PSMD1: variants seen among roughly 807,000 people sequenced by gnomAD.
PSMD1 encodes the protein proteasome 26S subunit, non-ATPase 1.
In PSMD1, 18 loss-of-function variants were observed where a neutral mutation model predicts 119.0. That is an observed-to-expected ratio of 0.15 (90% CI 0.10 to 0.22). The LOEUF is 0.22. Among genes scored for constraint, PSMD1 ranks in the 10% least tolerant of loss-of-function variants. PSMD1 has a pLI of 1.00. For missense variants in PSMD1, 702 were observed against 1,158.5 expected, an observed-to-expected ratio of 0.61 and a Z score of 5.72; for synonymous variants, 374 against 396.6, an observed-to-expected ratio of 0.94 and a Z score of 0.68.
chr2:231,081,224 G>A (rs961471543), intron 12 of PSMD1, among the ~76,000 whole-genome samples: 1 of 150,406 alleles, frequency 6.6e-6, no homozygotes, highest in African/African-American at 2.4e-5. Flanking sequence ...CAAATCGTGT[G>A]TGCAGGTACA....
intron 16 of PSMD1, among the ~76,000 whole-genome samples, chr2:231,137,031 C>T (rs1374866898): frequency 7.4e-5 from 10 of 134,246 alleles, no homozygotes; most frequent in Admixed American, 1.5e-4. Flanking sequence ...ATTTATGTAC[C>T]ATATATAATT....
intron 4 of PSMD1, among the ~76,000 whole-genome samples, chr2:231,063,373 G>A (rs978123579): frequency 5.9e-5 from 9 of 152,114 alleles, no homozygotes; most frequent in African/African-American, 2.2e-4. Flanking sequence ...ATGAAAGAAG[G>A]GACTGCATAC....
At position 231,155,957 on chromosome 2, in the gene PSMD1, C is replaced by A. The variant is rs372694076; in HGVS notation, c.2218+2291C>A. Among the ~76,000 whole-genome samples the A allele has an allele frequency of 3.3e-5, 5 of 152,114 alleles. No individual in the cohort carries two copies. The East Asian group carries it at 5.8e-4, about 18-fold the overall frequency. On this transcript the variant is annotated intron_variant, in intron 19 of 24. Coordinates refer to ENST00000308696, the MANE Select transcript of PSMD1 (RefSeq NM_002807.4). ...ATATGTAGGTTTCCATAGTTTCTCC[C>A]TTCTCACTCTTCACTACCTTCCAAT...
chr2:231,096,775 A>G (rs928052218), intron 16 of PSMD1, among the ~76,000 whole-genome samples: 15 of 152,060 alleles, frequency 9.9e-5, no homozygotes, highest in Non-Finnish European at 1.8e-4. Context: ...TCATTTCCCT[A>G]TTGGCTAGGG....
chr2:231,137,854 G>A (rs767683281), intron 16 of PSMD1, among the ~76,000 whole-genome samples: 1 of 152,032 alleles, frequency 6.6e-6, no homozygotes, highest in Non-Finnish European at 1.5e-5. Flanking sequence ...CCATGTTGCT[G>A]CAAAAAACAT....
intron 16 of PSMD1, among the ~76,000 whole-genome samples, chr2:231,115,754 T>C (rs904206668): frequency 1.3e-5 from 2 of 152,136 alleles, no homozygotes; most frequent in African/African-American, 2.4e-5. Flanking sequence ...GTAAATGTTA[T>C]CTGAAAGTGT....
At chr2:231,167,961 T>C (rs911997740) in intron 23 of PSMD1, among the ~76,000 whole-genome samples, 13 of 152,202 alleles carry the variant, frequency 8.5e-5, no homozygotes, top group Admixed American at 8.5e-4. Context: ...CCACTTACAG[T>C]CCCAGCTACA....
At chr2:231,113,818 A>G (rs755270043) in intron 16 of PSMD1, 20 of 1,614,154 alleles carry the variant, frequency 1.2e-5, no homozygotes, top group East Asian at 2.2e-5. Context: ...TTTGATGGCT[A>G]TGTAACGATC....
intron 19 of PSMD1, among the ~76,000 whole-genome samples, chr2:231,156,397 A>G (rs1010878169): frequency 6.6e-6 from 1 of 152,094 alleles, no homozygotes; most frequent in Admixed American, 6.6e-5. Flanking sequence ...TTTATGTTGT[A>G]CATTTTATGG....
chr2:231,070,334 T>A (rs1471445777), intron 6 of PSMD1, among the ~76,000 whole-genome samples, 166 bp downstream of exon 6: 1 of 151,920 alleles, frequency 6.6e-6, no homozygotes, highest in Non-Finnish European at 1.5e-5. Context: ...TTATATTCCT[T>A]TTTATTAATA....
At chr2:231,138,430 C>T (rs1329267591) in intron 16 of PSMD1, among the ~76,000 whole-genome samples, 1 of 152,076 alleles carries the variant, frequency 6.6e-6, no homozygotes. Context: ...AGTGTGCTAC[C>T]CCCAACATGG....
chr2:231,094,325 T>C (rs567027980), intron 16 of PSMD1, among the ~76,000 whole-genome samples: 136 of 152,242 alleles, frequency 8.9e-4, no homozygotes, highest in African/African-American at 3.1e-3. Flanking sequence ...AGTGACGTCA[T>C]AACTTGCATA....
Position 231,070,173 on chromosome 2 carries a change from T to C in PSMD1, c.654+5T>C. The C allele has an allele frequency of 6.6e-7, 1 of 1,526,126 alleles. No homozygotes were observed. Among genetic ancestry groups the C allele is most frequent in the Non-Finnish European group, 8.8e-7 (1 of 1,142,610 alleles). The allele number at this position is 1,526,126 out of a possible 1,614,324, so 94.5% of individuals were successfully genotyped here. The stretch of plus-strand genomic sequence containing the variant: ...GATTTCATCAATGTTTGTCAGGTAA[T>C]GACATTAAATTATGTTTCATTACAT... On this transcript the variant is annotated splice_donor_5th_base_variant and intron_variant, in intron 6 of 24. Transcript: ENST00000308696.
chr2:231,102,681 A>G (rs1424127053), intron 16 of PSMD1, among the ~76,000 whole-genome samples: 5 of 151,652 alleles, frequency 3.3e-5, no homozygotes, highest in Non-Finnish European at 5.9e-5. Context: ...GGAAGAGGAG[A>G]GGTTGGTCTT....
At chr2:231,104,158 T>C (rs1200328408) in intron 16 of PSMD1, among the ~76,000 whole-genome samples, 1 of 152,206 alleles carries the variant, frequency 6.6e-6, no homozygotes, top group Non-Finnish European at 1.5e-5. Context: ...AATCAGTGGC[T>C]TGGTGTTTAT....
intron 16 of PSMD1, among the ~76,000 whole-genome samples, chr2:231,110,110 A>T (rs1275844953): frequency 1.3e-5 from 2 of 152,196 alleles, no homozygotes; most frequent in Non-Finnish European, 2.9e-5. Context: ...ACTTGAGGTC[A>T]GGAGTTTGAG....
At position 231,146,324 on chromosome 2, in the gene PSMD1, A is replaced by G. The variant is rs760279663; in HGVS notation, c.2083A>G (p.Met695Val). ...GGCACTCATAGCTTCAGCTCTCATC[A>G]TGATCCAGCAGACTGAAATCACTTG... ...QGALIASALI[M>V]IQQTEITCPK... Residue 695 changes from methionine to valine, a missense_variant, in exon 18 of 25, where the codon ATG (methionine) becomes GTG (valine). This residue lies in a region of PSMD1 where 272 missense variants were observed against 511.6 expected (regional missense o/e 0.53). Coordinates refer to ENST00000308696, the MANE Select transcript of PSMD1 (RefSeq NM_002807.4). The G allele has an allele frequency of 1.9e-6, 3 of 1,613,746 alleles. No homozygotes were observed. The highest frequency in any genetic ancestry group is 2.2e-5 in the South Asian group (2 of 91,062).
chr2:231,082,508 C>T (rs1188099909), intron 12 of PSMD1, among the ~76,000 whole-genome samples: 20 of 152,162 alleles, frequency 1.3e-4, no homozygotes, highest in Non-Finnish European at 2.6e-4. Context: ...AGTTACAGAC[C>T]AGCCTGGCCA....
chr2:231,153,103 A>T (rs1696407329), intron 18 of PSMD1, among the ~76,000 whole-genome samples: 1 of 152,194 alleles, frequency 6.6e-6, no homozygotes, highest in African/African-American at 2.4e-5. Context: ...TTATGTGAAT[A>T]TACTTCATGC....
Sources: gnomAD v4.1 joint callset for allele counts (sites outside exome capture counted in the v4.1 genomes callset) on GRCh38, gnomAD v4.1.1 for gene constraint, gnomAD v4.1.1 regional missense constraint, MANE v1.5 for transcripts, NCBI Gene and HGNC (gene_info 2026-07-23, HGNC 2026-07-21) for gene names.